The following DLG2 variants were observed in gnomAD, a reference collection of about 807,000 sequenced individuals.
DLG2 encodes disks large homolog 2.
A neutral mutation model predicts 132.5 loss-of-function variants in DLG2; 45 were observed. The ratio of observed to expected loss-of-function variants is 0.34; its 90% CI spans 0.27 to 0.44. The LOEUF (loss-of-function observed/expected upper bound fraction) is 0.44, where lower values mean the gene tolerates loss of function less well. DLG2 is among the 20% of genes least tolerant of loss of function. The probability of loss-of-function intolerance (pLI) is 1.00; values close to 1 mark genes in which losing one functional copy is unlikely to be tolerated. For missense variants in DLG2, 1,045 were observed against 1,196.9 expected (o/e 0.87, Z 1.87); for synonymous variants, 424 against 419.6 (o/e 1.01, Z -0.13).
At chr11:85,206,417 C>A (rs1456774831) in intron 4 of DLG2, among the ~76,000 whole-genome samples, 1 of 152,136 alleles carries the variant, frequency 6.6e-6, no homozygotes, top group Non-Finnish European at 1.5e-5. Context: ...CCCTTCAAAG[C>A]ATGTGACGTT....
chr11:85,058,807 A>T (rs2063725727), intron 6 of DLG2, among the ~76,000 whole-genome samples: 1 of 151,508 alleles, frequency 6.6e-6, no homozygotes, highest in Non-Finnish European at 1.5e-5. Context: ...AATTAATTAT[A>T]TATCCATATG....
chr11:84,172,889 A>G (rs1286237984), intron 8 of DLG2, among the ~76,000 whole-genome samples: 1 of 152,098 alleles, frequency 6.6e-6, no homozygotes, highest in Non-Finnish European at 1.5e-5. Context: ...GTTATGAAGT[A>G]TTTATAACAC....
intron 10 of DLG2, among the ~76,000 whole-genome samples, chr11:84,064,920 C>T (rs553962506): frequency 3.1e-4 from 47 of 152,242 alleles, no homozygotes; most frequent in African/African-American, 1.1e-3. Flanking sequence ...TGCTGCACAC[C>T]TACAGCCATC....
intron 3 of DLG2, among the ~76,000 whole-genome samples, chr11:85,441,440 T>C (rs2091771608): frequency 6.6e-6 from 1 of 152,194 alleles, no homozygotes; most frequent in Admixed American, 6.5e-5. Context: ...TTCCTTTTCC[T>C]CCCTTCTGCC....
At chr11:84,658,636 T>C (rs536859329) in intron 6 of DLG2, among the ~76,000 whole-genome samples, 1 of 152,258 alleles carries the variant, frequency 6.6e-6, no homozygotes, top group East Asian at 1.9e-4. Flanking sequence ...GTTCTCACTC[T>C]ATTAGTTCAT....
intron 7 of DLG2, among the ~76,000 whole-genome samples, chr11:84,310,094 T>C (rs1254920875): frequency 6.6e-6 from 1 of 152,174 alleles, no homozygotes; most frequent in African/African-American, 2.4e-5. Context: ...GAATCCAGGA[T>C]TCTGCAGGGG....
At chr11:84,302,494 G>C (rs979477653) in intron 7 of DLG2, among the ~76,000 whole-genome samples, 5 of 151,992 alleles carry the variant, frequency 3.3e-5, no homozygotes, top group African/African-American at 1.2e-4. Context: ...ATATAAATGA[G>C]ACTCAAGTTT....
intron 3 of DLG2, among the ~76,000 whole-genome samples, chr11:85,581,481 G>A (rs1030638806): frequency 6.6e-6 from 1 of 152,024 alleles, no homozygotes; most frequent in African/African-American, 2.4e-5. Flanking sequence ...AGCTGGGCGT[G>A]GTGGCGTGCA....
intron 6 of DLG2, among the ~76,000 whole-genome samples, chr11:85,040,610 G>A (rs2061779822): frequency 6.6e-6 from 1 of 151,914 alleles, no homozygotes; most frequent in African/African-American, 2.4e-5. Context: ...TCTGCCTTGT[G>A]AACTTTTATA....
chr11:84,759,910 G>A (rs2067378449), intron 6 of DLG2, among the ~76,000 whole-genome samples: 1 of 151,950 alleles, frequency 6.6e-6, no homozygotes, highest in African/African-American at 2.4e-5. Context: ...TATGGTATCG[G>A]TGGAATTACA....
chr11:84,781,809 C>A (rs1185397794), intron 6 of DLG2, among the ~76,000 whole-genome samples: 1 of 152,088 alleles, frequency 6.6e-6, no homozygotes, highest in Non-Finnish European at 1.5e-5. Flanking sequence ...TTTCCATGTC[C>A]TCAGTGCTGA....
intron 10 of DLG2, among the ~76,000 whole-genome samples, chr11:84,070,970 G>T (rs2096747591): frequency 6.6e-6 from 1 of 152,112 alleles, no homozygotes; most frequent in Non-Finnish European, 1.5e-5. Context: ...TCTCCATCAA[G>T]ACAAATAATT....
chr11:85,246,773 A>C (rs937288581), intron 4 of DLG2, among the ~76,000 whole-genome samples: 1 of 152,086 alleles, frequency 6.6e-6, no homozygotes, highest in African/African-American at 2.4e-5. Context: ...TTATACACTT[A>C]TATTTGTGTA....
At chr11:85,548,987 G>A (rs1423957665) in intron 3 of DLG2, among the ~76,000 whole-genome samples, 1 of 152,052 alleles carries the variant, frequency 6.6e-6, no homozygotes, top group Non-Finnish European at 1.5e-5. Flanking sequence ...CCCCTTTCCA[G>A]AGGAGTGAAC....
intron 6 of DLG2, among the ~76,000 whole-genome samples, chr11:84,946,868 G>A (rs1454812549): frequency 2.0e-5 from 3 of 152,166 alleles, no homozygotes; most frequent in Non-Finnish European, 4.4e-5. Context: ...TGCAATGGTG[G>A]TGCTAGCCGG....
intron 3 of DLG2, among the ~76,000 whole-genome samples, chr11:85,401,887 A>C (rs932325410): frequency 1.1e-4 from 16 of 152,214 alleles, no homozygotes; most frequent in African/African-American, 3.9e-4. Context: ...GATAGGAAGA[A>C]TCAATATTGT....
chr11:84,228,329 G>A (rs1436602356), intron 8 of DLG2, among the ~76,000 whole-genome samples: 4 of 152,190 alleles, frequency 2.6e-5, no homozygotes, highest in Admixed American at 1.3e-4. Flanking sequence ...CAGTACATTA[G>A]TCCTTGACAC....
At chr11:83,942,029 T>A (rs1277032780) in intron 14 of DLG2, among the ~76,000 whole-genome samples, 1 of 152,232 alleles carries the variant, frequency 6.6e-6, no homozygotes, top group Non-Finnish European at 1.5e-5. Flanking sequence ...CTTCCAGAAA[T>A]CTGTTCTACA....
intron 3 of DLG2, among the ~76,000 whole-genome samples, chr11:85,449,464 T>G (rs1475247656): frequency 6.6e-6 from 1 of 152,082 alleles, no homozygotes; most frequent in Non-Finnish European, 1.5e-5. Context: ...ATAATTTTCA[T>G]TTTTAGGAGG....
Sources: allele counts gnomAD v4.1 joint callset (sites outside exome capture counted in the v4.1 genomes callset), GRCh38; gene constraint gnomAD v4.1.1; transcripts MANE v1.5; gene names NCBI Gene and HGNC (gene_info 2026-07-23, HGNC 2026-07-21).